The following ZNF503 variants were observed in gnomAD, a reference collection of about 807,000 sequenced individuals.
ZNF503 encodes zinc finger protein 503, also known as NocA-like zinc finger 2.
In ZNF503, 15 loss-of-function variants were observed where a neutral mutation model predicts 34.4. That is an observed-to-expected ratio of 0.44 (90% confidence interval 0.29 to 0.67). ZNF503 has a LOEUF of 0.67. ZNF503 is among the 30% of genes least tolerant of loss of function. The pLI, the probability that ZNF503 is intolerant of heterozygous loss-of-function variation, is 0.13. For synonymous variants in ZNF503, 580 were observed against 456.8 expected, an observed-to-expected ratio of 1.27 and a Z score of -3.44; for missense variants, 1,007 against 926.8, an observed-to-expected ratio of 1.09 and a Z score of -1.12.
At chr10:75,375,621 A>G in the ZNF503 span, among the ~76,000 whole-genome samples, 440 of 151,998 alleles carry the variant, frequency 2.9e-3, 2 homozygotes, top group African/African-American at 0.01. Context: ...GGTTCAAGAG[A>G]TTCTCATGTC....
In ZNF503 at chr10:75,401,373, CTGT is replaced by C. The variant is rs1843814638; in HGVS notation, c.44_46del (p.His15_Ser16delinsArg). ...TCCGCCTCCGCCGCCGCCGCCGCCGCTGTGCTTACTGCTTCTTAGGGCAGAAAG... is the reference window on the plus strand; with the variant it reads ...TCCGCCTCCGCCGCCGCCGCCGCCGCGCTTACTGCTTCTTAGGGCAGAAAG... On this transcript the variant is annotated inframe_deletion, in exon 1 of 2. Coordinates refer to ENST00000372524, the MANE Select transcript of ZNF503 (RefSeq NM_032772.6). The C allele has an allele frequency of 6.5e-7, 1 of 1,539,646 alleles. No individual in the cohort carries two copies. Among genetic ancestry groups the C allele is most frequent in the South Asian group, 1.2e-5 (1 of 84,016 alleles).
chr10:75,298,877 G>C, the ZNF503 span: 1 of 151,642 alleles, frequency 6.6e-6, no homozygotes, highest in Non-Finnish European at 1.5e-5. Context: ...ACCTGCCTTG[G>C]CTTCCCAGAG....
At position 75,401,377 on chromosome 10, in the gene ZNF503, G is replaced by A. The variant is rs956436529; in HGVS notation, c.43C>T (p.His15Tyr). Residue 15 changes from histidine to tyrosine, a missense_variant, in exon 1 of 2, where the codon CAC becomes TAC. Transcript: ENST00000372524. ...CCTCCGCCGCCGCCGCCGCCGCTGT[G>A]CTTACTGCTTCTTAGGGCAGAAAGC... ...PSLSALRSSK[H>Y]SGGGGGGGGG... 5 of 1,532,362 alleles carry A rather than the reference G, an allele frequency of 3.3e-6. No individual in the cohort carries two copies. The highest frequency in any genetic ancestry group is 4.4e-6 in the Non-Finnish European group (5 of 1,140,994). The allele number at this position is 1,532,362 out of a possible 1,614,324, so 94.9% of individuals were successfully genotyped here. A position where few individuals can be genotyped will look rare whatever the true frequency, so the allele number is the denominator to read the frequency against.
chr10:75,321,362 A>G, the ZNF503 span, among the ~76,000 whole-genome samples: 2 of 152,174 alleles, frequency 1.3e-5, no homozygotes, highest in African/African-American at 4.8e-5. Context: ...TTGGTACCAG[A>G]ATGGGGATAT....
chr10:75,327,356 TG>T, the ZNF503 span, among the ~76,000 whole-genome samples: 1 of 152,236 alleles, frequency 6.6e-6, no homozygotes, highest in Non-Finnish European at 1.5e-5. Context: ...ATTTAGTATT[TG>T]TATTTCTGTG....
chr10:75,401,791 C>T, upstream of ZNF503: 1 of 274,964 alleles, frequency 3.6e-6, no homozygotes, highest in Non-Finnish European at 6.8e-6. Flanking sequence ...TCAAAAGCAG[C>T]TGCACCAAGG....
the ZNF503 span, chr10:75,361,685 T>A: frequency 1.3e-5 from 2 of 152,246 alleles, no homozygotes; most frequent in Admixed American, 1.3e-4. Flanking sequence ...TGTTAATTTC[T>A]TTTCAGATGT....
At chr10:75,342,857 T>G in the ZNF503 span, among the ~76,000 whole-genome samples, 1 of 152,192 alleles carries the variant, frequency 6.6e-6, no homozygotes, top group Admixed American at 6.5e-5. Flanking sequence ...CCCCAGACCT[T>G]AGCCCAGTTC....
the ZNF503 span, among the ~76,000 whole-genome samples, chr10:75,293,373 T>C: frequency 6.6e-6 from 1 of 151,952 alleles, no homozygotes; most frequent in African/African-American, 2.4e-5. Context: ...CCAGTGGGAG[T>C]GCAGCTGGCC....
the ZNF503 span, among the ~76,000 whole-genome samples, chr10:75,304,874 A>T: frequency 6.6e-6 from 1 of 152,172 alleles, no homozygotes; most frequent in Admixed American, 6.5e-5. Context: ...AAAGAATACA[A>T]AACTAGAACT....
intron 1 of ZNF503, 137 bp from the exon 2 acceptor site, chr10:75,400,511 G>C: frequency 7.0e-7 from 1 of 1,424,664 alleles, no homozygotes; most frequent in South Asian, 1.5e-5. Flanking sequence ...CGCAATTCTA[G>C]GCGGCACCCC....
At chr10:75,384,278 A>T in the ZNF503 span, among the ~76,000 whole-genome samples, 1 of 151,826 alleles carries the variant, frequency 6.6e-6, no homozygotes, top group Admixed American at 6.6e-5. Flanking sequence ...CACACTGATA[A>T]TCTCACACAT....
chr10:75,287,653 G>T, the ZNF503 span, among the ~76,000 whole-genome samples: 1 of 152,150 alleles, frequency 6.6e-6, no homozygotes, highest in Non-Finnish European at 1.5e-5. Context: ...CCTTGAGCAG[G>T]GCAGGAGTGA....
the ZNF503 span, among the ~76,000 whole-genome samples, chr10:75,377,026 C>A: frequency 1.3e-5 from 2 of 152,220 alleles, no homozygotes; most frequent in Non-Finnish European, 2.9e-5. Flanking sequence ...CTGGGACCAG[C>A]AACATCAGCA....
chr10:75,336,377 C>CAAAA, the ZNF503 span, among the ~76,000 whole-genome samples: 3 of 137,414 alleles, frequency 2.2e-5, no homozygotes, highest in African/African-American at 5.3e-5. Flanking sequence ...ACAGAATTGT[C>CAAAA]AAAAAAAAAA....
chr10:75,361,556 G>T, the ZNF503 span: 1 of 152,022 alleles, frequency 6.6e-6, no homozygotes, highest in Non-Finnish European at 1.5e-5. Flanking sequence ...TCTCCATCAG[G>T]ATTCTTCTCT....
chr10:75,348,065 CTTTTTTTTG>C, the ZNF503 span, among the ~76,000 whole-genome samples: 1 of 150,930 alleles, frequency 6.6e-6, no homozygotes, highest in Non-Finnish European at 1.5e-5. Context: ...GTTTTCTTTT[CTTTTTTTTG>C]TTTTTTTTGA....
the ZNF503 span, among the ~76,000 whole-genome samples, chr10:75,370,050 C>G: frequency 1.4e-4 from 20 of 145,248 alleles, 1 homozygote; most frequent in Admixed American, 1.3e-3. Flanking sequence ...CTGGACGAGA[C>G]TACATGTCAA....
At chr10:75,400,996 G>A in intron 1 of ZNF503, 109 bp downstream of exon 1, 16 of 1,484,322 alleles carry the variant, frequency 1.1e-5, no homozygotes, top group Non-Finnish European at 1.5e-5. Context: ...CCATTCGGGA[G>A]CTGAATCACT....
Sources: gnomAD v4.1 joint callset for allele counts (sites outside exome capture counted in the v4.1 genomes callset) on GRCh38, gnomAD v4.1.1 for gene constraint, MANE v1.5 for transcripts, NCBI Gene and HGNC (gene_info 2026-07-23, HGNC 2026-07-21) for gene names.